Variants in FDFT1 observed in about 807,000 individuals in gnomAD.
FDFT1 encodes farnesyl-diphosphate farnesyltransferase 1.
A neutral mutation model predicts 46.8 loss-of-function variants in FDFT1; 68 were observed. That is an observed-to-expected ratio of 1.45 (90% CI 1.19 to 1.78). FDFT1 has a LOEUF of 1.78. Among genes scored for constraint, FDFT1 ranks in the 40% most tolerant of loss-of-function variants. The pLI, the probability that FDFT1 is intolerant of heterozygous loss-of-function variation, is 0.00. For missense variants in FDFT1, 928 were observed against 524.4 expected, an observed-to-expected ratio of 1.77 and a Z score of -7.52; for synonymous variants, 351 against 185.1, an observed-to-expected ratio of 1.90 and a Z score of -7.28.
chr8:11,811,206 C>G (rs551401028), intron 3 of FDFT1, among the ~76,000 whole-genome samples: 29 of 152,160 alleles, frequency 1.9e-4, no homozygotes, highest in Non-Finnish European at 4.0e-4. Context: ...CACCTGATGA[C>G]CAGAGGATGG....
chr8:11,817,884 ATTTCTTGCCTT>A (rs948477644), intron 3 of FDFT1, among the ~76,000 whole-genome samples: 36 of 148,640 alleles, frequency 2.4e-4, no homozygotes, highest in Non-Finnish European at 3.4e-4. Flanking sequence ...GATCTTAGTT[ATTTCTTGCCTT>A]TTACTAGCTT....
upstream of FDFT1, among the ~76,000 whole-genome samples, chr8:11,799,716 G>C (rs574941280): frequency 3.9e-5 from 6 of 152,162 alleles, no homozygotes; most frequent in East Asian, 9.7e-4. Context: ...GGGAGGCTGA[G>C]GCGGGCGGAT....
upstream of FDFT1, among the ~76,000 whole-genome samples, chr8:11,799,159 A>G (rs966885591): frequency 6.6e-6 from 1 of 152,254 alleles, no homozygotes; most frequent in African/African-American, 2.4e-5. Flanking sequence ...CTATAGGTCA[A>G]AAGGTCTTTT....
chr8:11,809,253 T>C (rs1807365272), intron 2 of FDFT1: 2 of 1,149,966 alleles, frequency 1.7e-6, no homozygotes, highest in South Asian at 5.1e-5. Context: ...AAGCTGCCTC[T>C]GTGCACATTA....
intron 5 of FDFT1, among the ~76,000 whole-genome samples, chr8:11,829,899 G>C (rs530602253): frequency 1.3e-5 from 2 of 148,160 alleles, no homozygotes; most frequent in Non-Finnish European, 2.9e-5. Flanking sequence ...CCAGGCTGGA[G>C]TGCAATGGCG....
At chr8:11,797,722 G>C (rs1805710750), upstream of FDFT1, among the ~76,000 whole-genome samples, 2 of 150,864 alleles carry the variant, frequency 1.3e-5, no homozygotes. Context: ...GGAAACACCA[G>C]AAAAGGATTC....
At position 11,803,117 on chromosome 8, in the gene FDFT1, C is replaced by T. The variant is rs1167419557; in HGVS notation, c.99+186C>T. 9.1e-6 allele frequency: 13 copies of T among 1,429,720 alleles called. No homozygotes were observed. In the Middle Eastern group the frequency reaches 9.9e-4, roughly 109 times the overall value. 88.6% of individuals were successfully genotyped at this position (1,429,720 alleles called of 1,614,324 possible). On this transcript the variant is annotated intron_variant, in intron 1 of 7. Coordinates refer to ENST00000220584, the MANE Select transcript of FDFT1 (RefSeq NM_004462.5). ...GCCCGGGTGGACGCGGCCGTCCTGGCTGACCTGTCCCTGCCCCCGCAAGCC... is the reference window on the plus strand; with the variant it reads ...GCCCGGGTGGACGCGGCCGTCCTGGTTGACCTGTCCCTGCCCCCGCAAGCC...
upstream of FDFT1, chr8:11,802,688 C>T (rs1002397069): frequency 3.0e-6 from 2 of 658,998 alleles, no homozygotes; most frequent in Non-Finnish European, 5.2e-6. Flanking sequence ...GTGGGCGGAG[C>T]GGCGGGCGGG....
At chr8:11,831,248 T>G (rs1288343837) in intron 6 of FDFT1, among the ~76,000 whole-genome samples, 1 of 152,250 alleles carries the variant, frequency 6.6e-6, no homozygotes, top group East Asian at 1.9e-4. Flanking sequence ...TACTTGTGTT[T>G]GCTTTTTCCA....
At chr8:11,801,760 C>T (rs931467257), upstream of FDFT1, 1 of 355,768 alleles carries the variant, frequency 2.8e-6, no homozygotes, top group Admixed American at 3.8e-5. Context: ...GCGGTGTCAT[C>T]TTGGCTCACT....
rs1810836506 is a variant in FDFT1 at position 11,831,752 on chromosome 8, T to G, written c.1032+82T>G. 7.8e-6 allele frequency: 9 copies of G among 1,148,264 alleles called. 1 individual carries two copies. The highest frequency in any genetic ancestry group is 1.2e-5 in the Non-Finnish European group (9 of 765,118). 71.1% of individuals were successfully genotyped at this position (1,148,264 alleles called of 1,614,324 possible). The stretch of plus-strand genomic sequence containing the variant: ...GTCACTGTTTAACCAGGTTTGGATA[T>G]TAGATGATCCTAACAATTCACTATC... On this transcript the variant is annotated intron_variant, in intron 7 of 7. Transcript: ENST00000220584.
At chr8:11,798,946 C>T (rs533814794), upstream of FDFT1, among the ~76,000 whole-genome samples, 8 of 152,196 alleles carry the variant, frequency 5.3e-5, no homozygotes, top group East Asian at 3.8e-4. Flanking sequence ...AGACCACAGA[C>T]GGGCACTTTG....
At chr8:11,805,152 A>G (rs1292261944) in intron 1 of FDFT1, among the ~76,000 whole-genome samples, 1 of 151,094 alleles carries the variant, frequency 6.6e-6, no homozygotes, top group East Asian at 2.0e-4. Flanking sequence ...CCTGAGCTCA[A>G]GCGATTTTCC....
intron 6 of FDFT1, among the ~76,000 whole-genome samples, chr8:11,831,014 G>A (rs1035649838): frequency 2.0e-5 from 3 of 152,142 alleles, no homozygotes; most frequent in Admixed American, 6.5e-5. Flanking sequence ...CTGTATCGCC[G>A]TCTTATGTTT....
At position 11,838,787 on chromosome 8, in the gene FDFT1, A is replaced by G. The variant is rs1811931608; in HGVS notation, c.*178A>G. On this transcript the variant is annotated 3_prime_UTR_variant, in exon 8 of 8. Transcript: ENST00000220584. ...TGAGAAGAACCTAAACATGAAAGGA[A>G]AGGGTGCCTCATCCCAGCAACCTGT... 9.8e-6 allele frequency: 6 copies of G among 614,288 alleles called. No individual in the cohort carries two copies. Among genetic ancestry groups the G allele is most frequent in the Admixed American group, 2.6e-5 (1 of 37,816 alleles). The allele number at this position is 614,288 out of a possible 1,614,324, so 38.1% of individuals were successfully genotyped here.
intron 1 of FDFT1, 68 bp from the exon 2 acceptor site, chr8:11,808,724 CCA>C: frequency 6.4e-7 from 1 of 1,559,860 alleles, no homozygotes. Flanking sequence ...ACTCCCACTC[CCA>C]CTCCCACTCC....
chr8:11,832,225 C>T (rs1292136442), intron 7 of FDFT1, among the ~76,000 whole-genome samples: 4 of 150,882 alleles, frequency 2.7e-5, no homozygotes, highest in African/African-American at 9.8e-5. Flanking sequence ...AACTTACCTT[C>T]TTAGGTCAAA....
At chr8:11,803,576 A>G (rs1469246679) in intron 1 of FDFT1, 1 of 832,874 alleles carries the variant, frequency 1.2e-6, no homozygotes, top group Non-Finnish European at 1.6e-6. Flanking sequence ...TATTTGTTTA[A>G]TGAATGCATA....
At chr8:11,814,220 C>G (rs1416890146) in intron 3 of FDFT1, among the ~76,000 whole-genome samples, 1 of 151,742 alleles carries the variant, frequency 6.6e-6, no homozygotes, top group Non-Finnish European at 1.5e-5. Flanking sequence ...AAGGAATTAC[C>G]TTTTGACATT....
Sources: allele counts gnomAD v4.1 joint callset (sites outside exome capture counted in the v4.1 genomes callset), GRCh38; gene constraint gnomAD v4.1.1; transcripts MANE v1.5; gene names NCBI Gene and HGNC (gene_info 2026-07-23, HGNC 2026-07-21).